The following NR2C2 variants were observed in gnomAD, a reference collection of about 807,000 sequenced individuals.
NR2C2 encodes nuclear receptor subfamily 2 group C member 2.
A neutral mutation model predicts 62.9 loss-of-function variants in NR2C2; 6 were observed. The observed-to-expected ratio is 0.10, with a 90% CI of 0.05 to 0.19. The LOEUF (loss-of-function observed/expected upper bound fraction) is 0.19, where lower values mean the gene tolerates loss of function less well. Ranked by LOEUF, NR2C2 falls within the 10% of genes least tolerant of loss-of-function variation. The pLI is 1.00. For missense variants in NR2C2, 479 were observed against 762.7 expected (o/e 0.63, Z 4.38); for synonymous variants, 272 against 273.8 (o/e 0.99, Z 0.07).
intron 13 of NR2C2, among the ~76,000 whole-genome samples, chr3:15,039,503 G>GAGGCCTCC (rs1309821990): frequency 6.6e-6 from 1 of 152,172 alleles, no homozygotes; most frequent in Non-Finnish European, 1.5e-5. Flanking sequence ...GACTGTGAGC[G>GAGGCCTCC]AGGCCTCAGA....
At chr3:14,980,775 A>C (rs1177393432) in intron 1 of NR2C2, among the ~76,000 whole-genome samples, 2 of 152,244 alleles carry the variant, frequency 1.3e-5, no homozygotes, top group Admixed American at 6.5e-5. Context: ...GTAATTGCAT[A>C]AATGGATAAA....
intron 1 of NR2C2, among the ~76,000 whole-genome samples, chr3:14,982,081 CACTT>C (rs1260846676): frequency 6.6e-6 from 1 of 152,142 alleles, no homozygotes; most frequent in Non-Finnish European, 1.5e-5. Flanking sequence ...ATCAGGTTGA[CACTT>C]AATATCAACA....
rs558817105 is a variant in NR2C2 at position 15,045,396 on chromosome 3, A to T, written c.*2388A>T. The T allele has an allele frequency of 2.0e-5, 3 of 152,816 alleles. No individual in the cohort carries two copies. Among genetic ancestry groups the T allele is most frequent in the Non-Finnish European group, 4.4e-5 (3 of 68,084 alleles). The allele number at this position is 152,816 out of a possible 1,614,324, so 9.5% of individuals were successfully genotyped here. On this transcript the variant is annotated 3_prime_UTR_variant, in exon 14 of 14. Coordinates refer to ENST00000425241, the MANE Select transcript of NR2C2 (RefSeq NM_001291694.2). ...ATAAGGAAGTGTTGGGCTGTGGTGA[A>T]ACAACCTTGCAGAAAACGTGATTTT... is the stretch of plus-strand genomic sequence containing the variant.
chr3:14,947,985 C>A (rs1289731189), intron 1 of NR2C2, 79 bp downstream of exon 1: 1 of 152,094 alleles, frequency 6.6e-6, no homozygotes, highest in Non-Finnish European at 1.5e-5. Flanking sequence ...GGAGGCGCCG[C>A]GGCGGCGGCT....
chr3:14,966,943 C>T (rs192290883), intron 1 of NR2C2, among the ~76,000 whole-genome samples: 108 of 152,306 alleles, frequency 7.1e-4, no homozygotes, highest in South Asian at 2.5e-3. Context: ...TTGATATTAA[C>T]TTTTCTTTAA....
chr3:14,957,789 C>A (rs1050774915), intron 1 of NR2C2, among the ~76,000 whole-genome samples: 1 of 151,858 alleles, frequency 6.6e-6, no homozygotes, highest in African/African-American at 2.4e-5. Flanking sequence ...TCTATCATTT[C>A]CACACTGCAG....
At chr3:15,038,774 T>G in intron 12 of NR2C2, 1 of 194,128 alleles carries the variant, frequency 5.2e-6, no homozygotes, top group South Asian at 1.3e-4. Context: ...TTGGGACAAA[T>G]TATATAATTA....
Position 15,048,985 on chromosome 3 carries a change from C to A in NR2C2, c.*5977C>A, listed in dbSNP as rs1471362777. On this transcript the variant is annotated 3_prime_UTR_variant, in exon 14 of 14. Coordinates refer to ENST00000425241, the MANE Select transcript of NR2C2 (RefSeq NM_001291694.2). ...TTACATTTTAATGCCAGGTTTAAAA[C>A]CTGTTGAAAGCTGCAGCTTTATACA... 1 of 152,618 alleles carries A rather than the reference C, an allele frequency of 6.6e-6. No individual in the cohort carries two copies. Among genetic ancestry groups the A allele is most frequent in the Non-Finnish European group, 1.5e-5 (1 of 68,038 alleles). The allele number at this position is 152,618 out of a possible 1,614,324, so 9.5% of individuals were successfully genotyped here.
chr3:15,017,868 A>G (rs573574440), intron 4 of NR2C2, among the ~76,000 whole-genome samples: 5 of 152,354 alleles, frequency 3.3e-5, no homozygotes, highest in East Asian at 1.9e-4. Flanking sequence ...CTCCTTGGCA[A>G]TGTAGCTATG....
At chr3:15,001,396 G>A (rs1342066814) in intron 1 of NR2C2, among the ~76,000 whole-genome samples, 2 of 143,190 alleles carry the variant, frequency 1.4e-5, no homozygotes, top group Non-Finnish European at 3.0e-5. Context: ...ATGCAATGGC[G>A]TGATCTTGGC....
chr3:14,949,756 G>GATTTATTT (rs372339754), intron 1 of NR2C2, among the ~76,000 whole-genome samples: 24 of 151,996 alleles, frequency 1.6e-4, no homozygotes, highest in African/African-American at 5.3e-4. Flanking sequence ...ATGTGAATAT[G>GATTTATTT]ATTTATTTAT....
intron 10 of NR2C2, chr3:15,034,400 A>T (rs1257098412): frequency 5.9e-6 from 2 of 340,146 alleles, no homozygotes; most frequent in Non-Finnish European, 1.1e-5. Context: ...GTAGGTAATG[A>T]TGGTTTGGCC....
intron 4 of NR2C2, among the ~76,000 whole-genome samples, chr3:15,017,500 G>C (rs2041543905): frequency 6.6e-6 from 1 of 152,134 alleles, no homozygotes; most frequent in African/African-American, 2.4e-5. Context: ...GCAAGGAAAG[G>C]CTCTCTACAA....
chr3:15,042,612 G>C, intron 13 of NR2C2: 2 of 429,614 alleles, frequency 4.7e-6, no homozygotes, highest in Non-Finnish European at 8.2e-6. Flanking sequence ...ATAAACAAGA[G>C]TGAAGGGAAC....
In NR2C2 at chr3:14,974,133, A is replaced by G. The variant is rs966207280; in HGVS notation, c.-40+26227A>G. Reference sequence around the variant, plus strand: ...CCCCCACCCTCACAACTGCTCTTCTACTTTCTATGAATTTGACTATTGATA... The same window carrying G: ...CCCCCACCCTCACAACTGCTCTTCTGCTTTCTATGAATTTGACTATTGATA... On this transcript the variant is annotated intron_variant, in intron 1 of 13. Coordinates refer to ENST00000425241, the MANE Select transcript of NR2C2 (RefSeq NM_001291694.2). Among the ~76,000 whole-genome samples the G allele has an allele frequency of 5.3e-5, 8 of 152,238 alleles. No individual in the cohort carries two copies. In the East Asian group the frequency reaches 1.3e-3, roughly 26 times the overall value.
chr3:15,024,333 G>A (rs1488943415), intron 7 of NR2C2, 125 bp downstream of exon 7: 9 of 639,040 alleles, frequency 1.4e-5, no homozygotes, highest in Admixed American at 9.5e-5. Context: ...CCTATGTCTC[G>A]GTCTCCTTAT....
At chr3:14,980,792 G>A (rs2040344799) in intron 1 of NR2C2, among the ~76,000 whole-genome samples, 2 of 152,108 alleles carry the variant, frequency 1.3e-5, no homozygotes, top group South Asian at 4.1e-4. Context: ...TAAAGCTTTG[G>A]GAGAAATGCA....
At position 15,048,372 on chromosome 3, in the gene NR2C2, G is replaced by C. The variant is rs777294697; in HGVS notation, c.*5364G>C. ...CTAAATGAATTAAAAGTTTCCTTTGGGGCTATTTAGCTTAACAGCAGTCTA... is the reference window on the plus strand; with the variant it reads ...CTAAATGAATTAAAAGTTTCCTTTGCGGCTATTTAGCTTAACAGCAGTCTA... On this transcript the variant is annotated 3_prime_UTR_variant, in exon 14 of 14. Transcript: ENST00000425241. 11 of 152,548 alleles carry C rather than the reference G, an allele frequency of 7.2e-5. No individual in the cohort carries two copies. Among genetic ancestry groups the C allele is most frequent in the Non-Finnish European group, 1.6e-4 (11 of 68,042 alleles). 9.4% of individuals were successfully genotyped at this position (152,548 alleles called of 1,614,324 possible). A position where few individuals can be genotyped will look rare whatever the true frequency, so the allele number is the denominator to read the frequency against.
chr3:14,947,683 C>A lies in NR2C2; in HGVS notation c.-263C>A. The A allele has an allele frequency of 6.7e-6, 1 of 150,336 alleles. No homozygotes were observed. Among genetic ancestry groups the A allele is most frequent in the South Asian group, 1.8e-4 (1 of 5,584 alleles). 9.3% of individuals were successfully genotyped at this position (150,336 alleles called of 1,614,324 possible). ...CTGACAAAAACAATAACAAACCCCC[C>A]CTTCTCCGCGACCCCGGCGGCGCCC... On this transcript the variant is annotated 5_prime_UTR_variant, in exon 1 of 14. Transcript: ENST00000425241.
Sources: gnomAD v4.1 joint callset for allele counts (sites outside exome capture counted in the v4.1 genomes callset) on GRCh38, gnomAD v4.1.1 for gene constraint, MANE v1.5 for transcripts, NCBI Gene and HGNC (gene_info 2026-07-23, HGNC 2026-07-21) for gene names.